Variants in IL4R observed in about 807,000 individuals in gnomAD.
IL4R encodes the protein interleukin-4 receptor subunit alpha.
IL4R carries 17 observed loss-of-function variants against 41.5 expected under a neutral mutation model. The ratio of observed to expected loss-of-function variants is 0.41; its 90% CI spans 0.28 to 0.61. The LOEUF is 0.61. Among genes scored for constraint, IL4R ranks in the 20% least tolerant of loss-of-function variants. The probability of loss-of-function intolerance (pLI) is 0.31; values close to 1 mark genes in which losing one functional copy is unlikely to be tolerated. For synonymous variants in IL4R, 402 were observed against 422.9 expected (o/e 0.95, Z 0.61); for missense variants, 974 against 1,043.1 (o/e 0.93, Z 0.91).
chr16:27,336,676 C>CAA (rs67336687), intron 2 of IL4R, among the ~76,000 whole-genome samples: 9 of 68,296 alleles, frequency 1.3e-4, no homozygotes, highest in South Asian at 5.4e-4. Flanking sequence ...AACTCTGTCT[C>CAA]AAAAAAAAAA....
intron 1 of IL4R, among the ~76,000 whole-genome samples, chr16:27,314,446 T>A (rs116289315): frequency 5.9e-5 from 9 of 152,316 alleles, no homozygotes; most frequent in Middle Eastern, 3.4e-3. Context: ...ATTTGAGTAG[T>A]AGGTCAGTGA....
chr16:27,315,215 C>T (rs967026108), intron 1 of IL4R, among the ~76,000 whole-genome samples: 6 of 152,214 alleles, frequency 3.9e-5, no homozygotes, highest in Non-Finnish European at 7.3e-5. Context: ...TCCCAAAGTC[C>T]AATGGGGAAA....
intron 1 of IL4R, among the ~76,000 whole-genome samples, chr16:27,325,573 C>CA (rs113055103): frequency 6.6e-4 from 81 of 122,494 alleles, no homozygotes; most frequent in Middle Eastern, 4.4e-3. Context: ...GACTCTGTCT[C>CA]AAAAAAAAAA....
chr16:27,342,288 G>C (rs780409790), intron 4 of IL4R, 29 bp downstream of exon 4: 17 of 1,613,668 alleles, frequency 1.1e-5, no homozygotes, highest in Non-Finnish European at 1.4e-5. Flanking sequence ...TGGAGGTTTG[G>C]GGAGGTTGTG....
intron 5 of IL4R, 150 bp from the exon 6 acceptor site, chr16:27,346,317 C>G: frequency 1.6e-6 from 1 of 633,944 alleles, no homozygotes; most frequent in East Asian, 2.7e-5. Flanking sequence ...TTTGCTATGG[C>G]TCTGAATCTG....
chr16:27,340,512 C>G (rs563685384), intron 3 of IL4R, among the ~76,000 whole-genome samples: 2 of 152,204 alleles, frequency 1.3e-5, no homozygotes, highest in Non-Finnish European at 2.9e-5. Flanking sequence ...CGCTTGAGCC[C>G]AGGAGTTCGA....
Position 27,346,572 on chromosome 16 carries a change from A to G in IL4R, c.467A>G (p.His156Arg). Residue 156 changes from histidine to arginine, a missense_variant, in exon 6 of 11, where the codon CAT becomes CGT. Coordinates refer to ENST00000395762, the MANE Select transcript of IL4R (RefSeq NM_000418.4). ...CCCCCTGACAATTACCTGTATAATC[A>G]TCTCACCTATGCAGTCAACATTTGG... is the stretch of plus-strand genomic sequence containing the variant. ...PYPPDNYLYN[H>R]LTYAVNIWSE... The G allele has an allele frequency of 6.2e-7, 1 of 1,614,186 alleles. No individual in the cohort carries two copies. Among genetic ancestry groups the G allele is most frequent in the Non-Finnish European group, 8.5e-7 (1 of 1,180,016 alleles).
intron 6 of IL4R, among the ~76,000 whole-genome samples, chr16:27,350,285 G>T (rs572081488): frequency 6.6e-6 from 1 of 152,206 alleles, no homozygotes; most frequent in Admixed American, 6.5e-5. Context: ...ACATCTAGCT[G>T]TTGCTTCTTG....
At chr16:27,358,469 C>T (rs2086172300) in intron 8 of IL4R, among the ~76,000 whole-genome samples, 1 of 152,224 alleles carries the variant, frequency 6.6e-6, no homozygotes, top group African/African-American at 2.4e-5. Context: ...TCCGTAGGTC[C>T]CCCAGCTTCC....
intron 1 of IL4R, among the ~76,000 whole-genome samples, chr16:27,329,330 T>G (rs2085049043): frequency 6.6e-6 from 1 of 152,140 alleles, no homozygotes; most frequent in African/African-American, 2.4e-5. Flanking sequence ...TATTTCTTTA[T>G]AGCAATGCAA....
rs2086337937 is a variant in IL4R at position 27,362,621 on chromosome 16, C to T, written c.1269C>T (p.Cys423=). 1 of 1,613,994 alleles carries T rather than the reference C, an allele frequency of 6.2e-7. No individual in the cohort carries two copies. The highest frequency in any genetic ancestry group is 1.3e-5 in the African/African-American group (1 of 74,878). ...DLLGEENGGF[C]QQDMGESCLL... is the part of the protein sequence containing the mutation. ...TCGGAGAGGAGAATGGGGGCTTTTG[C>T]CAGCAGGACATGGGGGAGTCATGCC... The change falls in exon 11 of 11, where the codon TGC becomes TGT. Residue 423 remains cysteine, a synonymous_variant. Transcript: ENST00000395762.
intron 8 of IL4R, among the ~76,000 whole-genome samples, chr16:27,358,546 G>T (rs1163493477): frequency 6.6e-6 from 1 of 152,204 alleles, no homozygotes; most frequent in Non-Finnish European, 1.5e-5. Flanking sequence ...TTGTTGAGGG[G>T]AACCTAGAAT....
At chr16:27,349,930 T>C (rs1222146963) in intron 6 of IL4R, among the ~76,000 whole-genome samples, 1 of 152,186 alleles carries the variant, frequency 6.6e-6, no homozygotes, top group Non-Finnish European at 1.5e-5. Flanking sequence ...TTTGTATTTT[T>C]AGTAGCGACA....
At chr16:27,347,165 C>T (rs2085677372) in intron 6 of IL4R, among the ~76,000 whole-genome samples, 1 of 152,112 alleles carries the variant, frequency 6.6e-6, no homozygotes, top group African/African-American at 2.4e-5. Flanking sequence ...TCCTGACATT[C>T]CCTTCACAGT....
chr16:27,337,482 C>T (rs1386534325), intron 2 of IL4R, among the ~76,000 whole-genome samples: 1 of 152,072 alleles, frequency 6.6e-6, no homozygotes, highest in Non-Finnish European at 1.5e-5. Context: ...AATAAGATCC[C>T]AGGAGAGAGA....
At chr16:27,343,206 G>T (rs1317630719) in intron 4 of IL4R, among the ~76,000 whole-genome samples, 1 of 152,216 alleles carries the variant, frequency 6.6e-6, no homozygotes, top group Non-Finnish European at 1.5e-5. Flanking sequence ...ACACCAGCAT[G>T]CAGCGTTCAC....
intron 2 of IL4R, among the ~76,000 whole-genome samples, chr16:27,332,791 A>G (rs954723383): frequency 1.3e-5 from 2 of 151,856 alleles, no homozygotes; most frequent in Non-Finnish European, 2.9e-5. Context: ...TCTTTCTAAG[A>G]TATACATTCA....
chr16:27,359,936 C>T, intron 9 of IL4R: 2 of 303,512 alleles, frequency 6.6e-6, no homozygotes, highest in South Asian at 2.4e-5. Flanking sequence ...GCGGGGGAGG[C>T]TGGGCTGGGC....
intron 6 of IL4R, among the ~76,000 whole-genome samples, chr16:27,347,925 A>T (rs1444742964): frequency 1.3e-5 from 2 of 152,224 alleles, no homozygotes; most frequent in African/African-American, 2.4e-5. Flanking sequence ...CCTAAAAGCC[A>T]TGTGCCCTTT....
Sources: allele counts gnomAD v4.1 joint callset (sites outside exome capture counted in the v4.1 genomes callset), GRCh38; gene constraint gnomAD v4.1.1; transcripts MANE v1.5; gene names NCBI Gene and HGNC (gene_info 2026-07-23, HGNC 2026-07-21).